MYO9A: variants seen among roughly 807,000 people sequenced by gnomAD.
The protein encoded by MYO9A is myosin IXA.
A neutral mutation model predicts 293.3 loss-of-function variants in MYO9A; 103 were observed. The ratio of observed to expected loss-of-function variants is 0.35; its 90% CI spans 0.30 to 0.41. MYO9A has a LOEUF of 0.41. MYO9A is among the 10% of genes least tolerant of loss of function. The pLI is 1.00. For missense variants in MYO9A, 2,685 were observed against 3,033.0 expected (o/e 0.89, Z 2.69); for synonymous variants, 1,001 against 1,035.7 (o/e 0.97, Z 0.64).
intron 39 of MYO9A, 25 bp downstream of exon 39, chr15:71,848,820 C>T (rs776157742): frequency 6.3e-7 from 1 of 1,582,142 alleles, no homozygotes; most frequent in Non-Finnish European, 8.6e-7. Flanking sequence ...CCCATTTTTC[C>T]ACTATTCCAT....
At position 71,953,866 on chromosome 15, in the gene MYO9A, A is replaced by C. The variant is rs574265392; in HGVS notation, c.2183-1970T>G. 1.2e-4 allele frequency among the ~76,000 whole-genome samples: 16 copies of C among 135,842 alleles called. 1 individual carries two copies. The South Asian group carries it at 4.0e-3, about 34-fold the overall frequency. The allele number at this position is 135,842 out of a possible 152,430, so 89.1% of individuals were successfully genotyped here. On this transcript the variant is annotated intron_variant, in intron 14 of 41. Transcript: ENST00000356056. ...GGATTCTTTTCTGAGGAGTCTCATC[A>C]ACTGTTTTTTTGTTTTGTTTTGTTT...
At chr15:72,035,310 T>C (rs1274820712) in intron 2 of MYO9A, among the ~76,000 whole-genome samples, 4 of 152,186 alleles carry the variant, frequency 2.6e-5, no homozygotes, top group African/African-American at 9.7e-5. Context: ...TATATATACA[T>C]ACACATCAAG....
At chr15:72,075,464 C>T (rs1432188748) in intron 1 of MYO9A, among the ~76,000 whole-genome samples, 1 of 151,454 alleles carries the variant, frequency 6.6e-6, no homozygotes, top group African/African-American at 2.4e-5. Context: ...AGAGAAAAAA[C>T]ATTGATTAAA....
chr15:71,840,400 T>C (rs1004618779), intron 39 of MYO9A, among the ~76,000 whole-genome samples: 11 of 152,206 alleles, frequency 7.2e-5, no homozygotes, highest in African/African-American at 2.7e-4. Context: ...TCTGCAGGCA[T>C]GCTATACTCC....
At chr15:71,929,688 T>C (rs982851864) in intron 18 of MYO9A, among the ~76,000 whole-genome samples, 6 of 152,206 alleles carry the variant, frequency 3.9e-5, no homozygotes, top group Admixed American at 2.6e-4. Context: ...TATGGTGTAG[T>C]AGCATTTTGA....
intron 33 of MYO9A, among the ~76,000 whole-genome samples, chr15:71,860,153 T>C (rs943305878): frequency 1.3e-5 from 2 of 152,228 alleles, no homozygotes; most frequent in Non-Finnish European, 2.9e-5. Context: ...TTCTACCACA[T>C]ATATGCTCTA....
chr15:72,072,341 C>T (rs957946532), intron 1 of MYO9A, among the ~76,000 whole-genome samples: 4 of 152,042 alleles, frequency 2.6e-5, no homozygotes, highest in Admixed American at 1.3e-4. Flanking sequence ...CCGTGTTAGC[C>T]GGGATGGTCT....
chr15:71,998,134 G>A (rs915293218), intron 9 of MYO9A, among the ~76,000 whole-genome samples: 4 of 152,154 alleles, frequency 2.6e-5, no homozygotes, highest in Non-Finnish European at 4.4e-5. Context: ...GGAATACAAT[G>A]CAGCATAAAT....
intron 1 of MYO9A, among the ~76,000 whole-genome samples, chr15:72,069,598 TATC>T (rs1231562619): frequency 1.3e-5 from 2 of 152,080 alleles, no homozygotes; most frequent in Non-Finnish European, 2.9e-5. Flanking sequence ...ACAAACCACT[TATC>T]AGGTTATGGA....
At chr15:72,101,827 G>GC (rs1187747319) in intron 1 of MYO9A, among the ~76,000 whole-genome samples, 7 of 43,048 alleles carry the variant, frequency 1.6e-4, no homozygotes, top group Non-Finnish European at 2.8e-4. Flanking sequence ...GGCGGGGTCA[G>GC]CCCCCCGCCC....
chr15:72,014,679 C>T (rs1336906502), intron 6 of MYO9A, among the ~76,000 whole-genome samples: 1 of 132,762 alleles, frequency 7.5e-6, no homozygotes, highest in East Asian at 2.2e-4. Flanking sequence ...GAGCGAGATA[C>T]CATGAAAGAA....
intron 18 of MYO9A, among the ~76,000 whole-genome samples, chr15:71,922,954 T>C (rs2058192989): frequency 1.3e-5 from 2 of 152,274 alleles, no homozygotes; most frequent in Admixed American, 6.5e-5. Context: ...CGGGCATCCT[T>C]GTCTTATTCT....
At chr15:72,111,557 A>G (rs2080780891) in intron 1 of MYO9A, among the ~76,000 whole-genome samples, 1 of 152,000 alleles carries the variant, frequency 6.6e-6, no homozygotes, top group Admixed American at 6.6e-5. Context: ...AGACTTACTG[A>G]GTACCTACTA....
rs1193177412 is a variant in MYO9A, at chr15:71,824,223, C to A, written c.*2357G>T. 1 of 152,120 alleles carries A rather than the reference C, an allele frequency of 6.6e-6. No homozygotes were observed. Among genetic ancestry groups the A allele is most frequent in the East Asian group, 1.9e-4 (1 of 5,192 alleles). The allele number at this position is 152,120 out of a possible 1,614,324, so 9.4% of individuals were successfully genotyped here. On this transcript the variant is annotated 3_prime_UTR_variant, in exon 42 of 42. Transcript: ENST00000356056. The stretch of plus-strand genomic sequence containing the variant: ...CAAGTTTTTTTAATTGAATTTTATC[C>A]AAACTGGAGTTTCAGGTCCCTGAGA...
intron 32 of MYO9A, among the ~76,000 whole-genome samples, chr15:71,863,652 A>T (rs1466361522): frequency 6.6e-6 from 1 of 152,136 alleles, no homozygotes; most frequent in Non-Finnish European, 1.5e-5. Context: ...AAGGAATATA[A>T]TTTTTTAATT....
intron 14 of MYO9A, chr15:71,953,793 C>T (rs2059113600): frequency 6.6e-6 from 1 of 152,118 alleles, no homozygotes; most frequent in Admixed American, 6.5e-5. Context: ...TGTACCAAAC[C>T]CCTGCCAAGG....
chr15:72,038,404 A>C (rs976710224), intron 2 of MYO9A, among the ~76,000 whole-genome samples: 2 of 152,250 alleles, frequency 1.3e-5, no homozygotes, highest in East Asian at 3.8e-4. Flanking sequence ...GTTCTGGGCC[A>C]CAAGTCTCAA....
intron 1 of MYO9A, among the ~76,000 whole-genome samples, chr15:72,100,961 A>G (rs2080276402): frequency 8.9e-6 from 1 of 112,874 alleles, no homozygotes; most frequent in Non-Finnish European, 1.8e-5. Context: ...CGCGTCCCGG[A>G]GGGAGGTGGG....
intron 1 of MYO9A, among the ~76,000 whole-genome samples, chr15:72,069,055 G>A (rs1218565239): frequency 6.6e-6 from 1 of 152,136 alleles, no homozygotes; most frequent in African/African-American, 2.4e-5. Context: ...TAGAATCTGG[G>A]AGCTAAACCA....
Sources: gnomAD v4.1 joint callset for allele counts (sites outside exome capture counted in the v4.1 genomes callset) on GRCh38, gnomAD v4.1.1 for gene constraint, MANE v1.5 for transcripts, NCBI Gene and HGNC (gene_info 2026-07-23, HGNC 2026-07-21) for gene names.